BCAR3: variants seen among roughly 807,000 people sequenced by gnomAD.
BCAR3 encodes BCAR3 adaptor protein, NSP family member, also known as breast cancer anti-estrogen resistance protein 3.
In BCAR3, 37 loss-of-function variants were observed where a neutral mutation model predicts 80.1. The observed-to-expected ratio is 0.46, with a 90% CI of 0.36 to 0.61. The LOEUF is 0.61. Among genes scored for constraint, BCAR3 ranks in the 20% least tolerant of loss-of-function variants. The probability of loss-of-function intolerance (pLI) is 0.00; values close to 1 mark genes in which losing one functional copy is unlikely to be tolerated. For missense variants in BCAR3, 978 were observed against 1,068.2 expected (o/e 0.92, Z 1.18); for synonymous variants, 389 against 418.9 (o/e 0.93, Z 0.87).
chr1:93,664,186 C>A (rs1316636357), intron 2 of BCAR3, among the ~76,000 whole-genome samples: 2 of 152,170 alleles, frequency 1.3e-5, no homozygotes, highest in Non-Finnish European at 2.9e-5. Context: ...ATGGCAGGAT[C>A]TCGGCTCACT....
intron 2 of BCAR3, among the ~76,000 whole-genome samples, chr1:93,761,598 G>A (rs1207638077): frequency 1.3e-5 from 2 of 152,142 alleles, no homozygotes; most frequent in African/African-American, 4.8e-5. Flanking sequence ...ATTACCTTGA[G>A]AGCACCTAGC....
intron 3 of BCAR3, chr1:93,613,840 A>AACCT: frequency 6.5e-7 from 1 of 1,550,352 alleles, no homozygotes; most frequent in Non-Finnish European, 8.7e-7. Flanking sequence ...TTCCAAACCA[A>AACCT]ACCTACCTTG....
At chr1:93,783,418 C>T (rs1652830998) in intron 2 of BCAR3, among the ~76,000 whole-genome samples, 1 of 152,170 alleles carries the variant, frequency 6.6e-6, no homozygotes, top group Non-Finnish European at 1.5e-5. Flanking sequence ...TAATTCTTGC[C>T]CTAGGCTCAT....
intron 2 of BCAR3, among the ~76,000 whole-genome samples, chr1:93,791,115 C>T (rs1323474955): frequency 1.2e-5 from 1 of 82,298 alleles, no homozygotes. Flanking sequence ...AATAAACATA[C>T]GTGTGCATGT....
intron 3 of BCAR3, among the ~76,000 whole-genome samples, chr1:93,610,875 G>T (rs185229031): frequency 2.6e-3 from 389 of 151,762 alleles, no homozygotes; most frequent in Admixed American, 6.7e-3. Context: ...AGGTTGTAGT[G>T]AGCCGAGATC....
At chr1:93,843,997 G>A (rs1450523610) in intron 2 of BCAR3, among the ~76,000 whole-genome samples, 2 of 152,152 alleles carry the variant, frequency 1.3e-5, no homozygotes, top group South Asian at 2.1e-4. Context: ...TGGGAAGGCC[G>A]AAATCACTAA....
intron 2 of BCAR3, among the ~76,000 whole-genome samples, chr1:93,823,519 G>A (rs1443301148): frequency 7.5e-6 from 1 of 133,350 alleles, no homozygotes; most frequent in Non-Finnish European, 1.7e-5. Context: ...ATGAGGAGAG[G>A]AAAAATGCAT....
chr1:93,671,112 TCTC>T (rs1484852312), intron 2 of BCAR3, among the ~76,000 whole-genome samples: 1 of 152,018 alleles, frequency 6.6e-6, no homozygotes, highest in Non-Finnish European at 1.5e-5. Context: ...CTTGCCTCAG[TCTC>T]CTAAGTAGCT....
intron 2 of BCAR3, among the ~76,000 whole-genome samples, chr1:93,738,143 G>A (rs894493294): frequency 6.6e-6 from 1 of 152,088 alleles, no homozygotes; most frequent in African/African-American, 2.4e-5. Context: ...TCCTGGGCTT[G>A]GATTTAGAAG....
chr1:93,736,948 T>G (rs1183210356), intron 2 of BCAR3, among the ~76,000 whole-genome samples: 1 of 152,248 alleles, frequency 6.6e-6, no homozygotes, highest in Admixed American at 6.5e-5. Context: ...TTACGCATGT[T>G]GAAATGCAGA....
intron 8 of BCAR3, among the ~76,000 whole-genome samples, chr1:93,572,294 T>C (rs936391253): frequency 7.2e-5 from 11 of 151,838 alleles, no homozygotes; most frequent in Non-Finnish European, 1.6e-4. Flanking sequence ...GACAGAAAAA[T>C]GTGAGGACAT....
At chr1:93,831,759 A>C in intron 2 of BCAR3, among the ~76,000 whole-genome samples, 1 of 150,930 alleles carries the variant, frequency 6.6e-6, no homozygotes, top group Non-Finnish European at 1.5e-5. Context: ...CCACTTCCCC[A>C]CCCTATAATC....
chr1:93,809,510 G>GT (rs1301739810), intron 2 of BCAR3, among the ~76,000 whole-genome samples: 2 of 152,098 alleles, frequency 1.3e-5, no homozygotes, highest in African/African-American at 4.8e-5. Context: ...GCTCATGCCT[G>GT]TAATCCCAGC....
chr1:93,796,354 C>G (rs1201602457), intron 2 of BCAR3, among the ~76,000 whole-genome samples: 5 of 143,490 alleles, frequency 3.5e-5, no homozygotes, highest in Non-Finnish European at 7.5e-5. Flanking sequence ...GATATAGTCT[C>G]GTGGTGCGCC....
chr1:93,638,199 A>C (rs1211988438), intron 3 of BCAR3, among the ~76,000 whole-genome samples: 2 of 152,200 alleles, frequency 1.3e-5, no homozygotes, highest in African/African-American at 4.8e-5. Flanking sequence ...CAGTGAGCCA[A>C]GATTGCGCCA....
rs186608348 is a variant in BCAR3, at chr1:93,714,954, T to C, written c.-62-8812A>G. ...TTTGAAAATAAAATCTCCCATTCCA[T>C]CTGTTTATCATCTCTGCATACTCTC... is the stretch of plus-strand genomic sequence containing the variant. On this transcript the variant is annotated intron_variant, in intron 2 of 13. Transcript: ENST00000370244. 3.0e-3 allele frequency among the ~76,000 whole-genome samples: 458 copies of C among 152,288 alleles called. 1 individual carries two copies. Among genetic ancestry groups the C allele is most frequent in the African/African-American group, 0.01 (427 of 41,550 alleles).
chr1:93,766,058 C>A (rs1233605780), intron 2 of BCAR3, among the ~76,000 whole-genome samples: 3 of 152,202 alleles, frequency 2.0e-5, no homozygotes, highest in East Asian at 1.9e-4. Context: ...GTAACGGAAA[C>A]TTTGTACCCT....
intron 11 of BCAR3, among the ~76,000 whole-genome samples, chr1:93,565,016 T>C (rs1183873007): frequency 1.3e-5 from 2 of 152,132 alleles, no homozygotes; most frequent in Non-Finnish European, 2.9e-5. Flanking sequence ...AGGATCTTGG[T>C]TGTAGAAAGG....
chr1:93,799,415 A>G (rs1415167309), intron 2 of BCAR3, among the ~76,000 whole-genome samples: 2 of 152,230 alleles, frequency 1.3e-5, no homozygotes, highest in African/African-American at 2.4e-5. Context: ...CTGTTCCATG[A>G]AAGAAAAATT....
Sources: gnomAD v4.1 joint callset for allele counts (sites outside exome capture counted in the v4.1 genomes callset) on GRCh38, gnomAD v4.1.1 for gene constraint, MANE v1.5 for transcripts, NCBI Gene and HGNC (gene_info 2026-07-23, HGNC 2026-07-21) for gene names.